SLC16A14: variants seen among roughly 807,000 people sequenced by gnomAD.
SLC16A14 encodes the protein monocarboxylate transporter 14.
In SLC16A14, 14 loss-of-function variants were observed where a neutral mutation model predicts 35.8. The observed-to-expected ratio is 0.39, with a 90% confidence interval of 0.26 to 0.61. SLC16A14 has a LOEUF of 0.61. Among genes scored for constraint, SLC16A14 ranks in the 20% least tolerant of loss-of-function variants. SLC16A14 has a pLI of 0.51. For missense variants in SLC16A14, 533 were observed against 655.0 expected (o/e 0.81, Z 2.03); for synonymous variants, 248 against 258.9 (o/e 0.96, Z 0.40).
rs761556223 is a variant in SLC16A14 at position 230,049,737 on chromosome 2, G to A, written c.403+24C>T. ...TGTCTTATAAAACATTTAAAATCGA[G>A]TTTAAAAAAAGCCACATGCTTACCA... On this transcript the variant is annotated intron_variant, in intron 3 of 4. Coordinates refer to ENST00000295190, the MANE Select transcript of SLC16A14 (RefSeq NM_152527.5). 6.2e-6 allele frequency: 10 copies of A among 1,606,772 alleles called. No individual in the cohort carries two copies. In the East Asian group the frequency reaches 2.0e-4, roughly 32 times the overall value.
Position 230,036,234 on chromosome 2 carries a change from G to T in SLC16A14, c.*1146C>A, listed in dbSNP as rs1417954266. 6.6e-6 allele frequency: 1 copy of T among 152,610 alleles called. No homozygotes were observed. The highest frequency in any genetic ancestry group is 2.4e-5 in the African/African-American group (1 of 41,454). 9.5% of individuals were successfully genotyped at this position (152,610 alleles called of 1,614,324 possible). A position where few individuals can be genotyped will look rare whatever the true frequency, so the allele number is the denominator to read the frequency against. On this transcript the variant is annotated 3_prime_UTR_variant, in exon 5 of 5. Coordinates refer to ENST00000295190, the MANE Select transcript of SLC16A14 (RefSeq NM_152527.5). ...CTCAGATAAAGAAAGGGCATTATTA[G>T]ATGTCATGGATCACAGTCATCTTCT...
intron 2 of SLC16A14, among the ~76,000 whole-genome samples, chr2:230,058,502 A>C (rs1313428323): frequency 1.3e-5 from 2 of 152,188 alleles, no homozygotes. Context: ...GAAGATGGGA[A>C]TGGGGAATTC....
At chr2:230,061,609 T>C (rs2077752531) in intron 1 of SLC16A14, among the ~76,000 whole-genome samples, 1 of 152,216 alleles carries the variant, frequency 6.6e-6, no homozygotes, top group Admixed American at 6.5e-5. Context: ...TGTGTCACTC[T>C]ATGTACTCAC....
intron 2 of SLC16A14, 162 bp downstream of exon 2, chr2:230,058,932 C>G (rs9750739): frequency 0.47 from 444,242 of 940,214 alleles, 106,560 homozygotes; most frequent in African/African-American, 0.58. Context: ...CGTGCCTGGC[C>G]TAAAATGGTA....
chr2:230,041,464 C>T (rs1482781888), intron 4 of SLC16A14, among the ~76,000 whole-genome samples: 1 of 152,172 alleles, frequency 6.6e-6, no homozygotes, highest in Non-Finnish European at 1.5e-5. Flanking sequence ...TCTACTGCCT[C>T]AGCCTCTCAA....
intron 4 of SLC16A14, among the ~76,000 whole-genome samples, chr2:230,044,793 G>A (rs1339670197): frequency 6.7e-6 from 1 of 150,058 alleles, no homozygotes; most frequent in Non-Finnish European, 1.5e-5. Context: ...TGCCCAGGCT[G>A]GTCTTGAACT....
In SLC16A14 at chr2:230,044,704, T is replaced by TTGTGTGTGTGTG. The variant is rs751868776; in HGVS notation, c.1381+1029_1381+1040dup. On this transcript the variant is annotated intron_variant, in intron 4 of 4. Coordinates refer to ENST00000295190, the MANE Select transcript of SLC16A14 (RefSeq NM_152527.5). ...GAACAGTAAGATAATAAGTCTGTAT[T>TTGTGTGTGTGTG]TGTGTGTGTGTGTGTGTGTGTGTGT... 2.0e-3 allele frequency among the ~76,000 whole-genome samples: 260 copies of TTGTGTGTGTGTG among 132,580 alleles called. 1 individual carries two copies. The highest frequency in any genetic ancestry group is 7.0e-3 in the African/African-American group (234 of 33,246). 87.0% of individuals were successfully genotyped at this position (132,580 alleles called of 152,430 possible). A position where few individuals can be genotyped will look rare whatever the true frequency, so the allele number is the denominator to read the frequency against.
At chr2:230,048,704 A>T (rs13402579) in intron 3 of SLC16A14, among the ~76,000 whole-genome samples, 1 of 151,928 alleles carries the variant, frequency 6.6e-6, no homozygotes, top group East Asian at 1.9e-4. Context: ...CAGGTGGATC[A>T]CCTGAGGTTG....
intron 2 of SLC16A14, among the ~76,000 whole-genome samples, chr2:230,055,240 G>A (rs750875788): frequency 6.6e-6 from 1 of 152,140 alleles, no homozygotes; most frequent in Non-Finnish European, 1.5e-5. Context: ...GTACATTAAC[G>A]TGCATGTGGC....
intron 3 of SLC16A14, among the ~76,000 whole-genome samples, chr2:230,047,126 T>C (rs1430739482): frequency 2.0e-5 from 3 of 152,148 alleles, no homozygotes; most frequent in Non-Finnish European, 4.4e-5. Context: ...TCTGAGGGCC[T>C]CTGCTGTCTT....
At chr2:230,041,923 G>A (rs1018507590) in intron 4 of SLC16A14, among the ~76,000 whole-genome samples, 1 of 152,166 alleles carries the variant, frequency 6.6e-6, no homozygotes, top group African/African-American at 2.4e-5. Context: ...GCACATAAAC[G>A]GTGGCTTGCA....
intron 4 of SLC16A14, among the ~76,000 whole-genome samples, chr2:230,041,772 T>TA (rs1283210408): frequency 2.6e-5 from 4 of 152,078 alleles, no homozygotes; most frequent in Admixed American, 6.6e-5. Context: ...TGTTTTTTTT[T>TA]AAAAAGAAGG....
At chr2:230,054,873 C>T (rs1424050924) in intron 2 of SLC16A14, among the ~76,000 whole-genome samples, 10 of 144,190 alleles carry the variant, frequency 6.9e-5, no homozygotes, top group Non-Finnish European at 1.2e-4. Context: ...CCAGCCTGGG[C>T]GACAGAGCGA....
At chr2:230,041,763 G>GT (rs911133882) in intron 4 of SLC16A14, among the ~76,000 whole-genome samples, 58 of 151,802 alleles carry the variant, frequency 3.8e-4, no homozygotes, top group Admixed American at 1.7e-3. Context: ...TCTTGAAACT[G>GT]TTTTTTTTTA....
intron 4 of SLC16A14, among the ~76,000 whole-genome samples, chr2:230,043,350 G>A (rs992650424): frequency 7.9e-5 from 12 of 152,190 alleles, no homozygotes; most frequent in Admixed American, 3.3e-4. Flanking sequence ...AATTTCAAGC[G>A]GATTTAAAAG....
intron 4 of SLC16A14, among the ~76,000 whole-genome samples, chr2:230,040,527 CATTATT>C (rs1294463994): frequency 6.6e-6 from 1 of 152,042 alleles, no homozygotes; most frequent in Non-Finnish European, 1.5e-5. Context: ...CGGCCAAATT[CATTATT>C]ATTATTATTT....
In SLC16A14 at chr2:230,039,230, TA is replaced by T. The variant is rs916581494; in HGVS notation, c.1382-1700del. On this transcript the variant is annotated intron_variant, in intron 4 of 4. Transcript: ENST00000295190. Reference sequence around the variant, plus strand: ...GCATACAAATTTATAATCTTTTCTTTAAAAAAACAACTCGTTAAAAGGTATG... The same window carrying T: ...GCATACAAATTTATAATCTTTTCTTTAAAAAACAACTCGTTAAAAGGTATG... 2.6e-4 allele frequency among the ~76,000 whole-genome samples: 40 copies of T among 151,690 alleles called. 1 individual carries two copies. The highest frequency in any genetic ancestry group is 8.7e-4 in the African/African-American group (36 of 41,364).
chr2:230,048,052 TCTC>T (rs1426660113), intron 3 of SLC16A14, among the ~76,000 whole-genome samples: 8 of 152,214 alleles, frequency 5.3e-5, no homozygotes, highest in African/African-American at 1.9e-4. Flanking sequence ...ATGTTCACCT[TCTC>T]CTCCTGTCAA....
At position 230,045,854 on chromosome 2, in the gene SLC16A14, T is replaced by G; in HGVS notation, c.1272A>C (p.Leu424=). ...CCAAGTCTTCAGTCACTACGGGCAT[T>G]AGGGAGAAATAACCACTGGAAAACC... ...LIGFSSGYFS[L]MPVVTEDLVG... Residue 424 remains leucine (L), a synonymous_variant, in exon 4 of 5, where the codon CTA becomes CTC. Transcript: ENST00000295190. 6.2e-7 allele frequency: 1 copy of G among 1,614,006 alleles called. No individual in the cohort carries two copies. Among genetic ancestry groups the G allele is most frequent in the South Asian group, 1.1e-5 (1 of 91,056 alleles).
Sources: allele counts gnomAD v4.1 joint callset (sites outside exome capture counted in the v4.1 genomes callset), GRCh38; gene constraint gnomAD v4.1.1; transcripts MANE v1.5; gene names NCBI Gene and HGNC (gene_info 2026-07-23, HGNC 2026-07-21).